FBXL20: variants seen among roughly 807,000 people sequenced by gnomAD.
The protein encoded by FBXL20 is F-box and leucine rich repeat protein 20, also known as F-box/LRR-repeat protein 20.
FBXL20 carries 11 observed loss-of-function variants against 64.0 expected under a neutral mutation model. The ratio of observed to expected loss-of-function variants is 0.17; its 90% CI spans 0.11 to 0.28. The LOEUF (loss-of-function observed/expected upper bound fraction) is 0.28, where lower values mean the gene tolerates loss of function less well. Ranked by LOEUF, FBXL20 falls within the 10% of genes least tolerant of loss-of-function variation. The pLI is 1.00. For missense variants in FBXL20, 303 were observed against 526.2 expected (o/e 0.58, Z 4.15); for synonymous variants, 184 against 189.0 (o/e 0.97, Z 0.22).
chr17:39,295,027 G>A (rs1036323675), intron 6 of FBXL20, among the ~76,000 whole-genome samples: 2 of 152,148 alleles, frequency 1.3e-5, no homozygotes, highest in African/African-American at 4.8e-5. Context: ...AGTACATACT[G>A]AAATACGGAT....
intron 3 of FBXL20, among the ~76,000 whole-genome samples, chr17:39,301,947 GAAGTT>G (rs2047140066): frequency 1.6e-5 from 2 of 121,710 alleles, no homozygotes; most frequent in Admixed American, 2.4e-4. Context: ...TTAAATTAGA[GAAGTT>G]AAGGAAAGGG....
Position 39,266,515 on chromosome 17 carries a change from C to T in FBXL20, c.934-1062G>A, listed in dbSNP as rs144082827. On this transcript the variant is annotated intron_variant, in intron 12 of 14. Transcript: ENST00000264658. Reference sequence around the variant, plus strand: ...AATTACAGGCATGAGCCACCATGCTCGGAATATTTTTAGTGGAGATGGGGG... The same window carrying T: ...AATTACAGGCATGAGCCACCATGCTTGGAATATTTTTAGTGGAGATGGGGG... Among the ~76,000 whole-genome samples, 48 of 152,110 alleles carry T rather than the reference C, an allele frequency of 3.2e-4. 2 individuals are homozygous for T. The Middle Eastern group carries it at 0.017, about 54-fold the overall frequency.
chr17:39,367,799 TGGCTGGAA>T, intron 1 of FBXL20, among the ~76,000 whole-genome samples: 1 of 151,998 alleles, frequency 6.6e-6, no homozygotes, highest in East Asian at 1.9e-4. Context: ...TCCATCAGCC[TGGCTGGAA>T]GGCTGGAGTG....
At chr17:39,325,325 T>C (rs949589091) in intron 2 of FBXL20, among the ~76,000 whole-genome samples, 2 of 152,206 alleles carry the variant, frequency 1.3e-5, no homozygotes, top group Non-Finnish European at 1.5e-5. Flanking sequence ...AAGTAATACC[T>C]TTTTGTACAG....
intron 1 of FBXL20, among the ~76,000 whole-genome samples, chr17:39,362,166 G>A (rs1341684333): frequency 4.6e-5 from 7 of 151,944 alleles, no homozygotes; most frequent in East Asian, 2.0e-4. Flanking sequence ...GGTGGCGGGC[G>A]CCTGCAGTCC....
chr17:39,335,582 C>CA (rs36023380), intron 2 of FBXL20, among the ~76,000 whole-genome samples: 16,756 of 77,102 alleles, frequency 0.22, 1,797 homozygotes, highest in African/African-American at 0.31. Context: ...GACTCCGTCT[C>CA]AAAAAAAAAA....
At chr17:39,373,250 A>G (rs2047935551) in intron 1 of FBXL20, among the ~76,000 whole-genome samples, 1 of 152,154 alleles carries the variant, frequency 6.6e-6, no homozygotes, top group African/African-American at 2.4e-5. Flanking sequence ...TAAAGAGATT[A>G]AGTATAACTT....
At chr17:39,361,714 T>C (rs1436276951) in intron 1 of FBXL20, among the ~76,000 whole-genome samples, 2 of 151,804 alleles carry the variant, frequency 1.3e-5, no homozygotes, top group Non-Finnish European at 2.9e-5. Context: ...GGAGAACTGC[T>C]TGAACCTGGG....
At chr17:39,271,628 G>T (rs999523314) in intron 10 of FBXL20, among the ~76,000 whole-genome samples, 1 of 147,248 alleles carries the variant, frequency 6.8e-6, no homozygotes, top group East Asian at 1.9e-4. Context: ...AAAAAAAGGT[G>T]GGGGGGATTG....
At chr17:39,346,626 A>C (rs1448177370) in intron 1 of FBXL20, among the ~76,000 whole-genome samples, 2 of 151,846 alleles carry the variant, frequency 1.3e-5, no homozygotes, top group Non-Finnish European at 2.9e-5. Flanking sequence ...TTAGTAACAA[A>C]AAGTTGAATC....
chr17:39,386,284 G>A (rs1285230923), intron 1 of FBXL20, among the ~76,000 whole-genome samples: 1 of 151,906 alleles, frequency 6.6e-6, no homozygotes, highest in Non-Finnish European at 1.5e-5. Flanking sequence ...TCCAGCCTGG[G>A]TGACAGAGCA....
chr17:39,310,235 G>A (rs538262128), intron 2 of FBXL20, among the ~76,000 whole-genome samples: 2 of 151,852 alleles, frequency 1.3e-5, no homozygotes, highest in South Asian at 2.1e-4. Context: ...GGTGACATCA[G>A]CTGGAACCAA....
In FBXL20 at chr17:39,303,615, A is replaced by G. The variant is rs911257584; in HGVS notation, c.129T>C (p.Val43=). ...AGACCTGAGCACAGCGGCACAGGGT[A>G]ACAACATCTAGAAAAGAAAATATCC... ...LLRIFSFLDV[V]TLCRCAQVSR... Residue 43 remains valine, a synonymous_variant, in exon 3 of 15, where the codon GTT becomes GTC. Coordinates refer to ENST00000264658, the MANE Select transcript of FBXL20 (RefSeq NM_032875.3). 5.6e-6 allele frequency: 9 copies of G among 1,611,372 alleles called. No individual in the cohort carries two copies. The highest frequency in any genetic ancestry group is 1.1e-5 in the South Asian group (1 of 90,476).
At position 39,337,819 on chromosome 17, in the gene FBXL20, G is replaced by A. The variant is rs994221740; in HGVS notation, c.104+5361C>T. Among the ~76,000 whole-genome samples the A allele has an allele frequency of 1.1e-4, 17 of 148,418 alleles. No homozygotes were observed. In the South Asian group the frequency reaches 3.4e-3, roughly 29 times the overall value. On this transcript the variant is annotated intron_variant, in intron 2 of 14. Coordinates refer to ENST00000264658, the MANE Select transcript of FBXL20 (RefSeq NM_032875.3). The stretch of plus-strand genomic sequence containing the variant: ...GCCAGCTGCCCCGTCCAGGAGGGAG[G>A]TGGGGGGTCAGCCCCCGCCAGGCCA...
rs989537488 is a variant in FBXL20, at chr17:39,260,630, A to T, written c.*830T>A. The T allele has an allele frequency of 3.3e-5, 5 of 152,544 alleles. No individual in the cohort carries two copies. Among genetic ancestry groups the T allele is most frequent in the African/African-American group, 4.8e-5 (2 of 41,458 alleles). The allele number at this position is 152,544 out of a possible 1,614,324, so 9.4% of individuals were successfully genotyped here. On this transcript the variant is annotated 3_prime_UTR_variant, in exon 15 of 15. Transcript: ENST00000264658. ...AAATATTTATTGATAATATCTTTTT[A>T]AAAAATGTTTGGTAATCCCAACTAA... is the stretch of plus-strand genomic sequence containing the variant.
intron 1 of FBXL20, among the ~76,000 whole-genome samples, chr17:39,348,191 G>A (rs142251530): frequency 2.6e-5 from 4 of 151,846 alleles, no homozygotes; most frequent in South Asian, 2.1e-4. Flanking sequence ...GGCTGAGCGC[G>A]GTGGCTCACG....
intron 2 of FBXL20, among the ~76,000 whole-genome samples, chr17:39,332,178 GGA>G (rs1354876758): frequency 3.5e-4 from 53 of 152,340 alleles, no homozygotes; most frequent in African/African-American, 1.3e-3. Flanking sequence ...TTAAACCGAA[GGA>G]GAGGCTACAA....
At chr17:39,400,819 G>A (rs574156275) in intron 1 of FBXL20, among the ~76,000 whole-genome samples, 3 of 152,328 alleles carry the variant, frequency 2.0e-5, no homozygotes, top group African/African-American at 7.2e-5. Context: ...GAAAGCAGAG[G>A]AAGTATCAGA....
upstream of FBXL20, chr17:39,401,722 G>A: frequency 1.8e-6 from 2 of 1,103,922 alleles, no homozygotes; most frequent in Non-Finnish European, 2.2e-6. Flanking sequence ...GAGCGCCCGG[G>A]AGGGGGAGGG....
Sources: gnomAD v4.1 joint callset for allele counts (sites outside exome capture counted in the v4.1 genomes callset) on GRCh38, gnomAD v4.1.1 for gene constraint, MANE v1.5 for transcripts, NCBI Gene and HGNC (gene_info 2026-07-23, HGNC 2026-07-21) for gene names.